The following MGST1 variants were observed in gnomAD, a reference collection of about 807,000 sequenced individuals.
MGST1 encodes the protein glutathione S-transferase 12.
A neutral mutation model predicts 8.9 loss-of-function variants in MGST1; 5 were observed. The observed-to-expected ratio is 0.56, with a 90% CI of 0.29 to 1.19. The LOEUF is 1.19. Ranked by LOEUF, MGST1 falls within the 50% of genes most tolerant of loss-of-function variation. The probability of loss-of-function intolerance (pLI) is 0.08; values close to 1 mark genes in which losing one functional copy is unlikely to be tolerated. For synonymous variants in MGST1, 54 were observed against 67.8 expected, an observed-to-expected ratio of 0.80 and a Z score of 1.00; for missense variants, 182 against 187.4, an observed-to-expected ratio of 0.97 and a Z score of 0.17.
At chr12:16,348,447 T>C (rs925425584) in intron 1 of MGST1, among the ~76,000 whole-genome samples, 67 of 152,274 alleles carry the variant, frequency 4.4e-4, no homozygotes, top group African/African-American at 1.5e-3. Context: ...GTGTCATATA[T>C]TGCTCTAGCT....
exon 1 of MGST1, chr12:16,383,533 C>T (rs1940476884): frequency 6.6e-6 from 1 of 152,008 alleles, no homozygotes; most frequent in Admixed American, 6.6e-5. Context: ...ATGATCTCAG[C>T]TCACCGCAAC....
chr12:16,366,461 C>A (rs1940189824), downstream of MGST1, among the ~76,000 whole-genome samples: 1 of 152,098 alleles, frequency 6.6e-6, no homozygotes. This position sits in a 1 kb window ranked among gnomAD's most constrained non-coding sequence, Gnocchi z 4.0. Flanking sequence ...AGAGTGAAGT[C>A]TGTGTGCTAA....
intron 1 of MGST1, among the ~76,000 whole-genome samples, chr12:16,408,938 A>G (rs1206632395): frequency 1.3e-5 from 2 of 152,062 alleles, no homozygotes; most frequent in African/African-American, 4.8e-5. Flanking sequence ...AATTTTGCTT[A>G]TTGTGCTTCT....
At chr12:16,467,451 G>A (rs754946375) in intron 4 of MGST1, among the ~76,000 whole-genome samples, 1 of 152,102 alleles carries the variant, frequency 6.6e-6, no homozygotes, top group Non-Finnish European at 1.5e-5. Flanking sequence ...ATGGAACTGT[G>A]ACTCATATTA....
rs1446775359 is a variant in MGST1, at chr12:16,587,208, A to C, written n.483-2320A>C. Among the ~76,000 whole-genome samples, 1 of 152,214 alleles carries C rather than the reference A, an allele frequency of 6.6e-6. No homozygotes were observed. Among genetic ancestry groups the C allele is most frequent in the Non-Finnish European group, 1.5e-5 (1 of 68,034 alleles). ...TTCATAAGCTACACACACGAAAATG[A>C]AATGAACAAAGTGATTCAGATTAAA... On this transcript the variant is annotated intron_variant and non_coding_transcript_variant, in intron 4 of 4. Transcript: ENST00000538857. The surrounding 1 kb of genome is among the most constrained non-coding windows in gnomAD (Gnocchi z 4.3).
At chr12:16,572,339 CT>C (rs59773866) in intron 4 of MGST1, among the ~76,000 whole-genome samples, 6,411 of 89,156 alleles carry the variant, frequency 0.072, 127 homozygotes, top group African/African-American at 0.19. Context: ...GGTCCAAACT[CT>C]TTTTTTTTTT....
At chr12:16,510,963 G>A (rs556596661) in intron 4 of MGST1, among the ~76,000 whole-genome samples, 5 of 151,836 alleles carry the variant, frequency 3.3e-5, no homozygotes, top group African/African-American at 1.2e-4. Flanking sequence ...AAACTATGAG[G>A]CAAAAATTAC....
intron 4 of MGST1, among the ~76,000 whole-genome samples, chr12:16,463,484 G>A (rs749328122): frequency 2.0e-5 from 3 of 151,734 alleles, no homozygotes; most frequent in Non-Finnish European, 4.4e-5. Flanking sequence ...ATAGATGCTG[G>A]GCTTAATACC....
chr12:16,539,903 C>G (rs937339566), intron 4 of MGST1, among the ~76,000 whole-genome samples: 1 of 152,198 alleles, frequency 6.6e-6, no homozygotes, highest in Non-Finnish European at 1.5e-5. Context: ...TTTTAATCTG[C>G]AACTCCTCTA....
chr12:16,415,460 A>G (rs1940780003), intron 1 of MGST1, among the ~76,000 whole-genome samples: 1 of 152,134 alleles, frequency 6.6e-6, no homozygotes, highest in Admixed American at 6.6e-5. Context: ...CCCCTGAGAG[A>G]GTTAGACCAA....
rs114133780 is a variant in MGST1, at chr12:16,513,097, A to G, written n.483-76431A>G. ...GCTTCTCTAGTTATCATTATCAAAC[A>G]AATCATTCTTTCATGTGTATATATA... On this transcript the variant is annotated intron_variant and non_coding_transcript_variant, in intron 4 of 4. Coordinates refer to the MGST1 transcript ENST00000538857. This position sits in a 1 kb window ranked among gnomAD's most constrained non-coding sequence, Gnocchi z 4.2. Among the ~76,000 whole-genome samples, 1,642 of 152,336 alleles carry G rather than the reference A, an allele frequency of 0.011. 36 individuals carry two copies. Among genetic ancestry groups the G allele is most frequent in the African/African-American group, 0.038 (1,561 of 41,572 alleles).
At chr12:16,581,404 T>C (rs1329773161) in intron 4 of MGST1, among the ~76,000 whole-genome samples, 2 of 152,176 alleles carry the variant, frequency 1.3e-5, no homozygotes, top group Non-Finnish European at 2.9e-5. Flanking sequence ...CTAGAGGAGA[T>C]TACATCTGTA....
At chr12:16,349,938 G>A (rs1939386165) in intron 1 of MGST1, among the ~76,000 whole-genome samples, 1 of 152,056 alleles carries the variant, frequency 6.6e-6, no homozygotes, top group African/African-American at 2.4e-5. Flanking sequence ...TAGAGACGGG[G>A]TTTCACCATG....
intron 1 of MGST1, among the ~76,000 whole-genome samples, chr12:16,408,038 A>C (rs1440878125): frequency 9.3e-6 from 1 of 107,010 alleles, no homozygotes; most frequent in Non-Finnish European, 1.7e-5. Flanking sequence ...CTCAAAAAAA[A>C]AAAAAAAAAA....
rs527490662 is a variant in MGST1, at chr12:16,557,823, C to T, written n.483-31705C>T. Among the ~76,000 whole-genome samples the T allele has an allele frequency of 3.3e-5, 5 of 152,100 alleles. 1 individual carries two copies. The South Asian group carries it at 1.0e-3, about 32-fold the overall frequency. On this transcript the variant is annotated intron_variant and non_coding_transcript_variant, in intron 4 of 4. Coordinates refer to the MGST1 transcript ENST00000538857. ...ATTCAGAGAGATTAAGTAACATACT[C>T]AAGATCACACAGTTAATATATCAGC...
At chr12:16,432,731 C>CACACAGAGAGAG (rs775306657) in intron 1 of MGST1, among the ~76,000 whole-genome samples, 14 of 132,756 alleles carry the variant, frequency 1.1e-4, no homozygotes, top group Admixed American at 2.3e-4. Context: ...CACACACACA[C>CACACAGAGAGAG]AGAGAGAGAG....
intron 3 of MGST1, among the ~76,000 whole-genome samples, chr12:16,374,826 T>C (rs1476803889): frequency 6.6e-6 from 1 of 152,204 alleles, no homozygotes; most frequent in African/African-American, 2.4e-5. Flanking sequence ...CTTTAGGATA[T>C]ATATATACTC....
rs1940734668 is a variant in MGST1, at chr12:16,410,655, T to C, written n.779-26733T>C. Among the ~76,000 whole-genome samples, 1 of 147,956 alleles carries C rather than the reference T, an allele frequency of 6.8e-6. No homozygotes were observed. ...GTATATGTAATACATATATTATATA[T>C]AAACATACATAATCAAATATATAAT... On this transcript the variant is annotated intron_variant and non_coding_transcript_variant, in intron 1 of 1. Coordinates refer to the MGST1 transcript ENST00000359720. The surrounding 1 kb of genome is among the most constrained non-coding windows in gnomAD (Gnocchi z 4.4).
At chr12:16,425,981 T>C (rs908793826) in intron 1 of MGST1, among the ~76,000 whole-genome samples, 1 of 152,202 alleles carries the variant, frequency 6.6e-6, no homozygotes, top group Non-Finnish European at 1.5e-5. Context: ...ATAAGTTTGG[T>C]CTCATATCTC....
Sources: allele counts gnomAD v4.1 joint callset (sites outside exome capture counted in the v4.1 genomes callset), GRCh38; gene constraint gnomAD v4.1.1; non-coding constraint Gnocchi (gnomAD v3.1); transcripts MANE v1.5; gene names NCBI Gene and HGNC (gene_info 2026-07-23, HGNC 2026-07-21).